AHNAK: variants seen among roughly 807,000 people sequenced by gnomAD.
AHNAK encodes the protein AHNAK nucleoprotein, also known as neuroblast differentiation-associated protein AHNAK.
AHNAK carries 23 observed loss-of-function variants against 37.8 expected under a neutral mutation model. That is an observed-to-expected ratio of 0.61 (90% CI 0.44 to 0.86). The LOEUF is 0.86. AHNAK is among the 40% of genes least tolerant of loss of function. The pLI, the probability that AHNAK is intolerant of heterozygous loss-of-function variation, is 0.00. For missense variants in AHNAK, 7,411 were observed against 7,319.4 expected (o/e 1.01, Z -0.46); for synonymous variants, 2,481 against 2,636.3 (o/e 0.94, Z 1.80).
At chr11:62,502,477 G>A (rs1939729980) in intron 4 of AHNAK, among the ~76,000 whole-genome samples, 1 of 152,190 alleles carries the variant, frequency 6.6e-6, no homozygotes, top group African/African-American at 2.4e-5. Flanking sequence ...GAGGGGAAGT[G>A]TATGAAGTGA....
At chr11:62,545,233 G>A (rs1309149188) in intron 1 of AHNAK, among the ~76,000 whole-genome samples, 1 of 152,224 alleles carries the variant, frequency 6.6e-6, no homozygotes. Context: ...CTGCGAAACC[G>A]GCAAGCACAC....
rs1265207639 is a variant in AHNAK at position 62,531,212 on chromosome 11, A to C, written c.3205T>G (p.Leu1069Val). 3.1e-6 allele frequency: 5 copies of C among 1,613,572 alleles called. No homozygotes were observed. The African/African-American group carries it at 6.7e-5, about 22-fold the overall frequency. ...TTAAGATCCAGGTCAACATCTGGCA[A>C]AGACATCTTAGGAGCTCTGAAGTGC... Reference protein sequence around the residue: ...EMHFRAPKMSLPDVDLDLKGP... With the variant: ...EMHFRAPKMSVPDVDLDLKGP... The change falls in exon 5 of 5, where the codon TTG (leucine) becomes GTG (valine). Residue 1069 changes from leucine to valine, a missense_variant. Transcript: ENST00000378024.
chr11:62,495,910 A>G (rs1016966518), intron 4 of AHNAK, among the ~76,000 whole-genome samples: 1 of 151,772 alleles, frequency 6.6e-6, no homozygotes, highest in African/African-American at 2.4e-5. Context: ...TTAGCCAGGC[A>G]TGGTGGTATA....
At chr11:62,484,885 G>A (rs1939357993) in intron 5 of AHNAK, among the ~76,000 whole-genome samples, 1 of 152,192 alleles carries the variant, frequency 6.6e-6, no homozygotes. Context: ...CGCCTCCCGG[G>A]TTCAGGCGAT....
In AHNAK at chr11:62,518,396, C is replaced by A; in HGVS notation, c.16021G>T (p.Gly5341Ter). Reference protein sequence around the residue: ...LSGVGGKMQVGGDGVKVPGID... With the variant: ...LSGVGGKMQV ...CCTGGCACTTTCACACCGTCTCCTC[C>A]CACCTGCATTTTGCCACCGACACCA... Residue 5341 changes from glycine to a stop codon, truncating the protein, a stop_gained, in exon 5 of 5, where the codon GGA (glycine) becomes TGA (stop). Coordinates refer to ENST00000378024, the MANE Select transcript of AHNAK (RefSeq NM_001620.3). LOFTEE classifies it high-confidence loss of function. The A allele has an allele frequency of 6.2e-7, 1 of 1,614,094 alleles. No homozygotes were observed. The highest frequency in any genetic ancestry group is 8.5e-7 in the Non-Finnish European group (1 of 1,180,008).
At chr11:62,497,069 G>A (rs1477919373) in intron 4 of AHNAK, among the ~76,000 whole-genome samples, 2 of 152,110 alleles carry the variant, frequency 1.3e-5, no homozygotes, top group Admixed American at 1.3e-4. Flanking sequence ...TGAGTGATGC[G>A]TGGGCCTTGA....
intron 5 of AHNAK, among the ~76,000 whole-genome samples, chr11:62,451,981 T>C (rs1752030545): frequency 6.8e-6 from 1 of 146,922 alleles, no homozygotes; most frequent in Non-Finnish European, 1.5e-5. Flanking sequence ...CTAATTTTTG[T>C]ATTTTTTTTT....
chr11:62,438,727 G>A (rs1462921688), intron 5 of AHNAK, among the ~76,000 whole-genome samples: 1 of 152,046 alleles, frequency 6.6e-6, no homozygotes. Flanking sequence ...TTTTAGAAAT[G>A]TTTGCCCATC....
chr11:62,527,037 T>G lies in AHNAK; in HGVS notation c.7380A>C (p.Leu2460=). The G allele has an allele frequency of 1.2e-6, 2 of 1,614,066 alleles. No individual in the cohort carries two copies. Among genetic ancestry groups the G allele is most frequent in the Non-Finnish European group, 1.7e-6 (2 of 1,180,000 alleles). The change falls in exon 5 of 5, where the codon CTA becomes CTC. Residue 2460 remains leucine, a synonymous_variant. Transcript: ENST00000378024. Reference sequence around the variant, plus strand: ...CCTTGATTTTGGGTCCTTTGAGATTTAGATCAACATCAGGCATAGAAATAT... The same window carrying G: ...CCTTGATTTTGGGTCCTTTGAGATTGAGATCAACATCAGGCATAGAAATAT... ...APNISMPDVD[L]NLKGPKIKGD...
chr11:62,515,744 A>G (rs1939998940), downstream of AHNAK, among the ~76,000 whole-genome samples: 1 of 152,238 alleles, frequency 6.6e-6, no homozygotes, highest in Non-Finnish European at 1.5e-5. Context: ...ATCAAGAAGC[A>G]AAGATTTTCT....
Position 62,531,575 on chromosome 11 carries a change from T to C in AHNAK, c.2842A>G (p.Met948Val), listed in dbSNP as rs190038336. The C allele has an allele frequency of 3.7e-6, 6 of 1,614,040 alleles. No homozygotes were observed. In the African/African-American group the frequency reaches 6.7e-5, roughly 18 times the overall value. The change falls in exon 5 of 5, where the codon ATG becomes GTG. Residue 948 changes from methionine (M) to valine (V), a missense_variant. Transcript: ENST00000378024. ...EMNIKAPKISMPDVDLHMKGP... is the reference protein window; with the variant it reads ...EMNIKAPKISVPDVDLHMKGP... Reference sequence around the variant, plus strand: ...TTCATATGCAAGTCCACATCAGGCATGGAGATCTTGGGGGCCTTGATATTC... The same window carrying C: ...TTCATATGCAAGTCCACATCAGGCACGGAGATCTTGGGGGCCTTGATATTC...
At chr11:62,451,571 C>T (rs557996357) in intron 5 of AHNAK, among the ~76,000 whole-genome samples, 22 of 152,014 alleles carry the variant, frequency 1.4e-4, no homozygotes, top group Middle Eastern at 3.4e-3. Context: ...AACCCCGTCT[C>T]TACTAGAAAT....
In AHNAK at chr11:62,518,953, A is replaced by G. The variant is rs746576541; in HGVS notation, c.15464T>C (p.Ile5155Thr). ...MPDVDISVPKIEGDLKGPKVQ... is the reference protein window; with the variant it reads ...MPDVDISVPKTEGDLKGPKVQ... ...TTTGGGGCCTTTCAGGTCACCCTCTATTTTTGGCACTGAGATGTCCACATC... is the reference window on the plus strand; with the variant it reads ...TTTGGGGCCTTTCAGGTCACCCTCTGTTTTTGGCACTGAGATGTCCACATC... The change falls in exon 5 of 5, where the codon ATA becomes ACA. Residue 5155 changes from isoleucine (I) to threonine (T), a missense_variant. Coordinates refer to ENST00000378024, the MANE Select transcript of AHNAK (RefSeq NM_001620.3). The G allele has an allele frequency of 3.7e-6, 6 of 1,614,058 alleles. No individual in the cohort carries two copies. In the South Asian group the frequency reaches 6.6e-5, roughly 18 times the overall value.
chr11:62,484,372 T>C (rs111735728), intron 5 of AHNAK, among the ~76,000 whole-genome samples: 1,652 of 151,966 alleles, frequency 0.011, 40 homozygotes, highest in African/African-American at 0.038. Flanking sequence ...GGTGACAGAG[T>C]GAGACCCTGT....
chr11:62,490,599 G>T (rs947512087), intron 5 of AHNAK, among the ~76,000 whole-genome samples: 1 of 152,090 alleles, frequency 6.6e-6, no homozygotes, highest in Admixed American at 6.6e-5. Flanking sequence ...AGGAAGAGGT[G>T]AGAGGAGAAA....
Position 62,532,725 on chromosome 11 carries a change from G to T in AHNAK, c.1692C>A (p.Thr564=), listed in dbSNP as rs766508111. ...GPRLGSPSGK[T]GTCRISMSEV... ...CTGACATAGAGATCCTACAGGTTCC[G>T]GTTTTCCCGGAAGGACTGCCAAGCC... Residue 564 remains threonine (T), a synonymous_variant, in exon 5 of 5, where the codon ACC becomes ACA. Transcript: ENST00000378024. 1 of 1,613,826 alleles carries T rather than the reference G, an allele frequency of 6.2e-7. No individual in the cohort carries two copies.
intron 4 of AHNAK, among the ~76,000 whole-genome samples, chr11:62,505,107 G>C (rs1482863432): frequency 3.9e-5 from 6 of 152,150 alleles, no homozygotes; most frequent in Non-Finnish European, 7.4e-5. Flanking sequence ...TGGGCATTGG[G>C]GACCCACTAG....
intron 5 of AHNAK, among the ~76,000 whole-genome samples, chr11:62,481,779 G>A (rs1363282706): frequency 6.6e-6 from 1 of 151,470 alleles, no homozygotes; most frequent in African/African-American, 2.4e-5. Flanking sequence ...GGGTTTCACC[G>A]TGGTCTCGAT....
Position 62,531,078 on chromosome 11 carries a change from T to C in AHNAK, c.3339A>G (p.Pro1113=). The change falls in exon 5 of 5, where the codon CCA becomes CCG. Residue 1113 remains proline (P), a synonymous_variant. Coordinates refer to ENST00000378024, the MANE Select transcript of AHNAK (RefSeq NM_001620.3). ...IRGPKVDIKA[P]DVEGQGLDWS... is the part of the protein sequence containing the mutation. Reference sequence around the variant, plus strand: ...AGTCCAGGCCTTGGCCTTCCACATCTGGTGCTTTAATATCTACCTTGGGAC... The same window carrying C: ...AGTCCAGGCCTTGGCCTTCCACATCCGGTGCTTTAATATCTACCTTGGGAC... 6.2e-7 allele frequency: 1 copy of C among 1,613,900 alleles called. No homozygotes were observed.
Sources: gnomAD v4.1 joint callset for allele counts (sites outside exome capture counted in the v4.1 genomes callset) on GRCh38, gnomAD v4.1.1 for gene constraint, MANE v1.5 for transcripts, NCBI Gene and HGNC (gene_info 2026-07-23, HGNC 2026-07-21) for gene names.